The following LTV1 variants were observed in gnomAD, a reference collection of about 807,000 sequenced individuals.
The protein encoded by LTV1 is LTV1 ribosome biogenesis factor, also known as protein LTV1 homolog.
In LTV1, 39 loss-of-function variants were observed where a neutral mutation model predicts 59.9. The ratio of observed to expected loss-of-function variants is 0.65; its 90% CI spans 0.50 to 0.85. The LOEUF is 0.85. LTV1 is among the 40% of genes least tolerant of loss of function. LTV1 has a pLI of 0.00. For synonymous variants in LTV1, 171 were observed against 189.5 expected (o/e 0.90, Z 0.80); for missense variants, 493 against 549.1 (o/e 0.90, Z 1.02).
chr6:143,849,407 A>G (rs1776945817), intron 3 of LTV1, among the ~76,000 whole-genome samples: 1 of 152,190 alleles, frequency 6.6e-6, no homozygotes, highest in African/African-American at 2.4e-5. Context: ...TGGAGTTAAG[A>G]AACTCTGGGA....
Position 143,858,026 on chromosome 6 carries a change from G to A in LTV1, c.795+19G>A, listed in dbSNP as rs1213403283. On this transcript the variant is annotated intron_variant, in intron 6 of 10. Coordinates refer to ENST00000367576, the MANE Select transcript of LTV1 (RefSeq NM_032860.5). The stretch of plus-strand genomic sequence containing the variant: ...TGAGAAGGTAAGGTCCCCACATAAG[G>A]GATGCTTTAGTACTATCTTATGTTA... 1 of 1,612,844 alleles carries A rather than the reference G, an allele frequency of 6.2e-7. No homozygotes were observed. Among genetic ancestry groups the A allele is most frequent in the East Asian group, 2.2e-5 (1 of 44,860 alleles).
rs745846825 is a variant in LTV1 at position 143,846,191 on chromosome 6, G to A, written c.276G>A (p.Arg92=). The A allele has an allele frequency of 6.2e-6, 10 of 1,613,160 alleles. No homozygotes were observed. Among genetic ancestry groups the A allele is most frequent in the Non-Finnish European group, 7.6e-6 (9 of 1,179,710 alleles). The change falls in exon 3 of 11, where the codon AGG becomes AGA. Residue 92 remains arginine, a synonymous_variant. Coordinates refer to ENST00000367576, the MANE Select transcript of LTV1 (RefSeq NM_032860.5). ...IPSSTFSAHN[R]REEKEETLVI... ...CAAGTACCTTCAGTGCACACAACAG[G>A]AGAGAGGAGAAAGAAGAAACGCTAG... is the stretch of plus-strand genomic sequence containing the variant.
rs1777107012 is a variant in LTV1 at position 143,857,974 on chromosome 6, A to G, written c.762A>G (p.Glu254=). 1 of 1,614,126 alleles carries G rather than the reference A, an allele frequency of 6.2e-7. No individual in the cohort carries two copies. The highest frequency in any genetic ancestry group is 1.3e-5 in the African/African-American group (1 of 75,028). The part of the protein sequence containing the change: ...SMTSSVMRRN[E]QLTLHDERFE... ...CTTCCTCAGTCATGAGGAGAAATGA[A>G]CAGCTGACCCTACATGATGAGAGGT... The change falls in exon 6 of 11, where the codon GAA becomes GAG. Residue 254 remains glutamate (E), a synonymous_variant. Transcript: ENST00000367576. This position sits in a 1 kb window ranked among gnomAD's most constrained non-coding sequence, Gnocchi z 5.2.
At chr6:143,845,488 A>G (rs558740015) in intron 2 of LTV1, among the ~76,000 whole-genome samples, 3 of 152,126 alleles carry the variant, frequency 2.0e-5, no homozygotes, top group African/African-American at 7.2e-5. Flanking sequence ...CGATCCTCCC[A>G]CCTTAGCCTC....
intron 3 of LTV1, 141 bp downstream of exon 3, chr6:143,846,365 T>C (rs760907693): frequency 1.7e-5 from 12 of 717,546 alleles, no homozygotes; most frequent in Non-Finnish European, 2.5e-5. Flanking sequence ...TATATATGTG[T>C]ATGCATGTGT....
At chr6:143,858,975 G>A (rs559234404) in intron 6 of LTV1, among the ~76,000 whole-genome samples, 3 of 152,216 alleles carry the variant, frequency 2.0e-5, no homozygotes, top group East Asian at 1.9e-4. Flanking sequence ...TGGAAAGAAC[G>A]TGTGTAGGTC....
At chr6:143,858,888 CAG>C (rs1157760696) in intron 6 of LTV1, among the ~76,000 whole-genome samples, 1 of 152,050 alleles carries the variant, frequency 6.6e-6, no homozygotes, top group East Asian at 1.9e-4. Context: ...TTTATTAAAA[CAG>C]AGCATAAAAG....
At chr6:143,852,322 C>A (rs1221354701) in intron 4 of LTV1, among the ~76,000 whole-genome samples, 3 of 152,266 alleles carry the variant, frequency 2.0e-5, no homozygotes, top group Middle Eastern at 3.4e-3. Context: ...CTATAATGAC[C>A]AGTGATGATG....
chr6:143,846,843 T>G (rs780937910), intron 3 of LTV1, among the ~76,000 whole-genome samples: 10 of 152,178 alleles, frequency 6.6e-5, no homozygotes, highest in Non-Finnish European at 1.2e-4. Flanking sequence ...TGATGTAGAG[T>G]AAATTTTCCT....
At chr6:143,845,993 A>G (rs1582933227) in intron 2 of LTV1, 58 bp from the exon 3 acceptor site, 2 of 1,537,156 alleles carry the variant, frequency 1.3e-6, no homozygotes, top group Non-Finnish European at 1.8e-6. Flanking sequence ...TGGAAGGCTT[A>G]CTGATTCCAT....
rs1472114649 is a variant in LTV1, at chr6:143,862,121, C to T, written c.941C>T (p.Thr314Ile). Residue 314 changes from threonine to isoleucine, a missense_variant, in exon 8 of 11, where the codon ACC (threonine) becomes ATC (isoleucine). Thr to Ile is a moderately conservative substitution (Grantham distance 89, BLOSUM62 -1). Transcript: ENST00000367576. This position sits in a 1 kb window ranked among gnomAD's most constrained non-coding sequence, Gnocchi z 4.2. ...TCTAAAAGTTGTGTAAAATTGAATA[C>T]CCTTGAACCCTTGGAGGATCAAGAC... ...EKAENCVKLN[T>I]LEPLEDQDLP... 11 of 1,613,746 alleles carry T rather than the reference C, an allele frequency of 6.8e-6. No individual in the cohort carries two copies. The highest frequency in any genetic ancestry group is 1.7e-5 in the Admixed American group (1 of 59,988).
At chr6:143,843,552 C>A in intron 1 of LTV1, 72 bp downstream of exon 1, 1 of 1,596,432 alleles carries the variant, frequency 6.3e-7, no homozygotes, top group Non-Finnish European at 8.6e-7. Flanking sequence ...TCCGGTAATA[C>A]CTTGGCTACT....
In LTV1 at chr6:143,863,166, T is replaced by A. The variant is rs750602085; in HGVS notation, c.1197T>A (p.Thr399=). 4 of 1,613,908 alleles carry A rather than the reference T, an allele frequency of 2.5e-6. No individual in the cohort carries two copies. The highest frequency in any genetic ancestry group is 3.4e-6 in the Non-Finnish European group (4 of 1,179,896). ...LPKKGLTAKQ[T]ERIQMINGSD... ...AGAAAGGACTCACAGCAAAGCAAAC[T>A]GAAAGAATACAGATGATTAATGGCA... Residue 399 remains threonine, a synonymous_variant, in exon 10 of 11, where the codon ACT becomes ACA. Coordinates refer to ENST00000367576, the MANE Select transcript of LTV1 (RefSeq NM_032860.5). The surrounding 1 kb of genome is among the most constrained non-coding windows in gnomAD (Gnocchi z 4.5).
rs1257135780 is a variant in LTV1 at position 143,863,753 on chromosome 6, A to G, written c.*226A>G. On this transcript the variant is annotated 3_prime_UTR_variant, in exon 11 of 11. Coordinates refer to ENST00000367576, the MANE Select transcript of LTV1 (RefSeq NM_032860.5). The surrounding 1 kb of genome is among the most constrained non-coding windows in gnomAD (Gnocchi z 4.5). Reference sequence around the variant, plus strand: ...ATAAGCTTACATTTGCTCTGAAGTAAATGACTTCATGAATGTGAAATGTTT... The same window carrying G: ...ATAAGCTTACATTTGCTCTGAAGTAGATGACTTCATGAATGTGAAATGTTT... The G allele has an allele frequency of 2.8e-6, 1 of 362,300 alleles. No homozygotes were observed. The highest frequency in any genetic ancestry group is 2.1e-5 in the African/African-American group (1 of 48,030). The allele number at this position is 362,300 out of a possible 1,614,324, so 22.4% of individuals were successfully genotyped here.
At chr6:143,854,971 C>T (rs867053195) in intron 4 of LTV1, among the ~76,000 whole-genome samples, 1 of 152,016 alleles carries the variant, frequency 6.6e-6, no homozygotes, top group Non-Finnish European at 1.5e-5. Context: ...TCTGCTTGGT[C>T]CAGGGCTGAG....
At chr6:143,853,776 C>A (rs1777028653) in intron 4 of LTV1, among the ~76,000 whole-genome samples, 1 of 151,236 alleles carries the variant, frequency 6.6e-6, no homozygotes, top group Non-Finnish European at 1.5e-5. Context: ...TACGTTGAAC[C>A]AGCCTTGCAT....
Position 143,857,835 on chromosome 6 carries a change from G to T in LTV1, c.623G>T (p.Gly208Val). The T allele has an allele frequency of 1.2e-6, 2 of 1,614,054 alleles. No individual in the cohort carries two copies. The highest frequency in any genetic ancestry group is 8.5e-7 in the Non-Finnish European group (1 of 1,179,962). ...AGCAATGATGACTATGACTCTGCAGGCCTATTGTCAGATGAAGACTGTATG... is the reference window on the plus strand; with the variant it reads ...AGCAATGATGACTATGACTCTGCAGTCCTATTGTCAGATGAAGACTGTATG... ...GDSNDDYDSA[G>V]LLSDEDCMSV... The change falls in exon 6 of 11, where the codon GGC becomes GTC. Residue 208 changes from glycine (G) to valine (V), a missense_variant. Transcript: ENST00000367576. The surrounding 1 kb of genome is among the most constrained non-coding windows in gnomAD (Gnocchi z 5.2).
rs749111026 is a variant in LTV1, at chr6:143,857,793, A to T, written c.581A>T (p.Asp194Val). The change falls in exon 6 of 11, where the codon GAT (aspartate) becomes GTT (valine). Residue 194 changes from aspartate to valine, a missense_variant. Coordinates refer to ENST00000367576, the MANE Select transcript of LTV1 (RefSeq NM_032860.5). The surrounding 1 kb of genome is among the most constrained non-coding windows in gnomAD (Gnocchi z 5.2). ...GATGACAGCGAGTGGGAAGATGTGG[A>T]TGATGAGAAGGGAGATAGCAATGAT... ...NEDDSEWEDV[D>V]DEKGDSNDDY... 6.2e-7 allele frequency: 1 copy of T among 1,614,102 alleles called. No homozygotes were observed. The highest frequency in any genetic ancestry group is 1.7e-5 in the Admixed American group (1 of 60,024).
chr6:143,859,755 T>C (rs1226677970), intron 6 of LTV1, among the ~76,000 whole-genome samples: 1 of 152,184 alleles, frequency 6.6e-6, no homozygotes, highest in East Asian at 1.9e-4. Context: ...ATATATACAT[T>C]AGTAGGTGAA....
Sources: allele counts gnomAD v4.1 joint callset (sites outside exome capture counted in the v4.1 genomes callset), GRCh38; gene constraint gnomAD v4.1.1; non-coding constraint Gnocchi (gnomAD v3.1); transcripts MANE v1.5; gene names NCBI Gene and HGNC (gene_info 2026-07-23, HGNC 2026-07-21).